The following DPY19L2 variants were observed in gnomAD, a reference collection of about 807,000 sequenced individuals.
The protein encoded by DPY19L2 is probable C-mannosyltransferase DPY19L2.
Under a neutral mutation model 97.9 loss-of-function variants are expected in DPY19L2, and 34 were observed. The ratio of observed to expected loss-of-function variants is 0.35; its 90% CI spans 0.26 to 0.46. The LOEUF is 0.46. DPY19L2 is among the 20% of genes least tolerant of loss of function. DPY19L2 has a pLI of 1.00. For synonymous variants in DPY19L2, 230 were observed against 307.9 expected (o/e 0.75, Z 2.65); for missense variants, 623 against 911.4 (o/e 0.68, Z 4.07).
chr12:63,668,411 G>A lies in DPY19L2; in HGVS notation c.-18C>T, dbSNP rs1458803402. The stretch of plus-strand genomic sequence containing the variant: ...TTTCTCATAATCAAGGAGTATGGTG[G>A]AGCTGGGTCAATTTCAGGCACAGCC... On this transcript the variant is annotated 5_prime_UTR_variant, in exon 1 of 22. Coordinates refer to ENST00000324472, the MANE Select transcript of DPY19L2 (RefSeq NM_173812.5). 4 of 1,580,438 alleles carry A rather than the reference G, an allele frequency of 2.5e-6. No homozygotes were observed. In the Admixed American group the frequency reaches 5.4e-5, roughly 21 times the overall value.
rs779867977 is a variant in DPY19L2, at chr12:63,665,911, A to G, written c.338-52T>C. On this transcript the variant is annotated intron_variant, in intron 1 of 21. Coordinates refer to ENST00000324472, the MANE Select transcript of DPY19L2 (RefSeq NM_173812.5). ...ATTAATAGCTGCTTTATTATAAAAT[A>G]CCATTAAAACAAGTATTTCAAATGT... The G allele has an allele frequency of 2.1e-6, 3 of 1,420,596 alleles. No individual in the cohort carries two copies. The South Asian group carries it at 3.8e-5, about 18-fold the overall frequency. The allele number at this position is 1,420,596 out of a possible 1,614,324, so 88.0% of individuals were successfully genotyped here.
intron 19 of DPY19L2, among the ~76,000 whole-genome samples, chr12:63,578,788 T>C (rs938585008): frequency 2.2e-4 from 33 of 152,088 alleles, no homozygotes; most frequent in African/African-American, 8.0e-4. Flanking sequence ...AGAGAAGTGG[T>C]TCTCAGGCAG....
At chr12:63,603,078 C>T (rs977619094) in intron 12 of DPY19L2, among the ~76,000 whole-genome samples, 6 of 151,992 alleles carry the variant, frequency 3.9e-5, no homozygotes, top group Non-Finnish European at 7.4e-5. Context: ...CAGGCAAATG[C>T]CATTTCCATA....
upstream of DPY19L2, chr12:63,668,651 C>T (rs1332425558): frequency 1.6e-5 from 8 of 492,138 alleles, no homozygotes; most frequent in Middle Eastern, 5.3e-4. Context: ...CTTCCCAGAG[C>T]GTGCAGCTTC....
At chr12:63,664,373 T>C (rs1896077994) in intron 2 of DPY19L2, among the ~76,000 whole-genome samples, 1 of 151,944 alleles carries the variant, frequency 6.6e-6, no homozygotes, top group Non-Finnish European at 1.5e-5. Context: ...ACCTCAATTG[T>C]ATATCTAAAA....
At chr12:63,611,762 G>C (rs1341218669) in intron 11 of DPY19L2, among the ~76,000 whole-genome samples, 2 of 151,962 alleles carry the variant, frequency 1.3e-5, no homozygotes, top group East Asian at 1.9e-4. Flanking sequence ...AATAAACATA[G>C]GCTCCATGAA....
chr12:63,587,793 G>A (rs189721159), intron 16 of DPY19L2, among the ~76,000 whole-genome samples: 121 of 151,998 alleles, frequency 8.0e-4, no homozygotes, highest in African/African-American at 2.6e-3. Flanking sequence ...GGATGGTCTC[G>A]ATCTCCTGAC....
chr12:63,575,901 C>A (rs1879724191), intron 19 of DPY19L2, among the ~76,000 whole-genome samples: 1 of 151,760 alleles, frequency 6.6e-6, no homozygotes, highest in Non-Finnish European at 1.5e-5. Context: ...TCTAACGATT[C>A]CAGGAAATAG....
rs1413323069 is a variant in DPY19L2 at position 63,663,658 on chromosome 12, G to A, written c.450+100C>T. On this transcript the variant is annotated intron_variant, in intron 3 of 21. Coordinates refer to ENST00000324472, the MANE Select transcript of DPY19L2 (RefSeq NM_173812.5). Reference sequence around the variant, plus strand: ...CCTGGGTTATAGCTTATGAAACAGTGCAGTTGACCAGAAGTTCATTTCAAT... The same window carrying A: ...CCTGGGTTATAGCTTATGAAACAGTACAGTTGACCAGAAGTTCATTTCAAT... The A allele has an allele frequency of 3.1e-5, 30 of 975,086 alleles. No individual in the cohort carries two copies. In the East Asian group the frequency reaches 7.4e-4, roughly 24 times the overall value. The allele number at this position is 975,086 out of a possible 1,614,324, so 60.4% of individuals were successfully genotyped here.
chr12:63,650,257 A>C (rs1458211974), intron 4 of DPY19L2, among the ~76,000 whole-genome samples: 1 of 152,106 alleles, frequency 6.6e-6, no homozygotes, highest in Admixed American at 6.5e-5. Flanking sequence ...TGAGAACTGG[A>C]ACAACAAAAG....
At chr12:63,591,543 T>C (rs969598830) in intron 16 of DPY19L2, among the ~76,000 whole-genome samples, 2 of 152,106 alleles carry the variant, frequency 1.3e-5, no homozygotes, top group African/African-American at 4.8e-5. Flanking sequence ...AATTTACTTC[T>C]TGAGTTTTGT....
intron 14 of DPY19L2, among the ~76,000 whole-genome samples, chr12:63,596,305 C>A (rs1301121332): frequency 6.6e-6 from 1 of 151,664 alleles, no homozygotes; most frequent in Non-Finnish European, 1.5e-5. Flanking sequence ...TTTTTCTTTT[C>A]TGTTTTTTAT....
intron 21 of DPY19L2, among the ~76,000 whole-genome samples, chr12:63,562,367 TAGTG>T (rs1283705801): frequency 2.6e-5 from 4 of 152,192 alleles, no homozygotes; most frequent in African/African-American, 7.2e-5. Context: ...TCATTTTTAT[TAGTG>T]AGTAATATTT....
chr12:63,595,822 T>G, intron 15 of DPY19L2, 144 bp downstream of exon 15: 2 of 681,808 alleles, frequency 2.9e-6, no homozygotes, highest in Non-Finnish European at 4.8e-6. Context: ...TATAAAAAGA[T>G]CGATGATGAA....
chr12:63,668,468 GAC>G lies in DPY19L2; in HGVS notation c.-77_-76del. 1 of 1,398,168 alleles carries G rather than the reference GAC, an allele frequency of 7.2e-7. No homozygotes were observed. Among genetic ancestry groups the G allele is most frequent in the African/African-American group, 1.4e-5 (1 of 69,318 alleles). 86.6% of individuals were successfully genotyped at this position (1,398,168 alleles called of 1,614,324 possible). ...AGTCAGGCGAGGTCCAGAGAGACCT[GAC>G]TCGCCTGGCAGCCTCAACGGACTTG... On this transcript the variant is annotated 5_prime_UTR_variant, in exon 1 of 22. Transcript: ENST00000324472.
intron 6 of DPY19L2, among the ~76,000 whole-genome samples, chr12:63,635,990 G>A (rs575456090): frequency 6.6e-6 from 1 of 152,206 alleles, no homozygotes; most frequent in East Asian, 1.9e-4. Context: ...ATTCACCAAA[G>A]TGGAAATGCA....
chr12:63,645,260 G>A (rs1448055031), intron 5 of DPY19L2, among the ~76,000 whole-genome samples: 2 of 152,188 alleles, frequency 1.3e-5, no homozygotes, highest in Non-Finnish European at 2.9e-5. Flanking sequence ...GCCAAGGTCT[G>A]AAGGCTGGCC....
intron 6 of DPY19L2, among the ~76,000 whole-genome samples, chr12:63,636,252 T>A (rs1202250537): frequency 1.3e-5 from 2 of 152,102 alleles, no homozygotes; most frequent in Non-Finnish European, 2.9e-5. Context: ...CCACCAGGCC[T>A]GCCTTACAAG....
At chr12:63,602,593 CTCAA>C (rs1221472710) in intron 12 of DPY19L2, among the ~76,000 whole-genome samples, 1 of 152,094 alleles carries the variant, frequency 6.6e-6, no homozygotes, top group Non-Finnish European at 1.5e-5. Context: ...GGTAAACTAA[CTCAA>C]GGCATCTTTC....
Sources: allele counts gnomAD v4.1 joint callset (sites outside exome capture counted in the v4.1 genomes callset), GRCh38; gene constraint gnomAD v4.1.1; transcripts MANE v1.5; gene names NCBI Gene and HGNC (gene_info 2026-07-23, HGNC 2026-07-21).